CHD9: variants seen among roughly 807,000 people sequenced by gnomAD.
CHD9 encodes the protein ATP-dependent chromatin remodeler CHD9.
CHD9 carries 77 observed loss-of-function variants against 316.1 expected under a neutral mutation model. The observed-to-expected ratio is 0.24, with a 90% CI of 0.20 to 0.29. CHD9 has a LOEUF of 0.29. Among genes scored for constraint, CHD9 ranks in the 10% least tolerant of loss-of-function variants. The pLI, the probability that CHD9 is intolerant of heterozygous loss-of-function variation, is 1.00. For missense variants in CHD9, 2,763 were observed against 3,438.1 expected, an observed-to-expected ratio of 0.80 and a Z score of 4.91; for synonymous variants, 1,129 against 1,158.3, an observed-to-expected ratio of 0.97 and a Z score of 0.51.
At chr16:53,154,916 C>G (rs2041399532) in intron 1 of CHD9, among the ~76,000 whole-genome samples, 1 of 152,156 alleles carries the variant, frequency 6.6e-6, no homozygotes, top group South Asian at 2.1e-4. Flanking sequence ...TTAAAATGAT[C>G]TTGATAGCTT....
chr16:53,241,803 C>A (rs1225036420), intron 12 of CHD9, among the ~76,000 whole-genome samples: 2 of 152,182 alleles, frequency 1.3e-5, no homozygotes, highest in African/African-American at 4.8e-5. Context: ...CTCCATGATC[C>A]TGTCCTTGGC....
intron 2 of CHD9, among the ~76,000 whole-genome samples, chr16:53,179,879 G>A (rs369065666): frequency 2.7e-4 from 40 of 150,648 alleles, no homozygotes; most frequent in Non-Finnish European, 3.5e-4. Context: ...CCTGGGCGAC[G>A]GAGTGAGACT....
chr16:53,157,124 T>C lies in CHD9; in HGVS notation c.1035T>C (p.Pro345=). 1 of 1,610,682 alleles carries C rather than the reference T, an allele frequency of 6.2e-7. No individual in the cohort carries two copies. The change falls in exon 2 of 39, where the codon CCT becomes CCC. Residue 345 remains proline (P), a synonymous_variant. Coordinates refer to ENST00000447540, the MANE Select transcript of CHD9 (RefSeq NM_001308319.2). ...NNFQILHSSH[P]QGNYSNSKLS... is the part of the protein sequence containing the mutation. ...TCCAAATATTGCATTCATCACATCC[T>C]CAGGGTAATTATAGCAATTCAAAAT... is the stretch of plus-strand genomic sequence containing the variant.
At chr16:53,169,876 G>A (rs960043814) in intron 2 of CHD9, among the ~76,000 whole-genome samples, 13 of 152,048 alleles carry the variant, frequency 8.5e-5, no homozygotes, top group South Asian at 4.1e-4. Context: ...CCAATCAAGG[G>A]TCAGGCATTA....
intron 38 of CHD9, among the ~76,000 whole-genome samples, chr16:53,323,798 T>C (rs932441053): frequency 2.0e-5 from 3 of 152,202 alleles, no homozygotes; most frequent in African/African-American, 4.8e-5. Flanking sequence ...GCTAAAGACC[T>C]CTTTACTCAC....
chr16:53,197,249 A>G (rs2045005666), intron 2 of CHD9, among the ~76,000 whole-genome samples: 1 of 152,250 alleles, frequency 6.6e-6, no homozygotes, highest in Non-Finnish European at 1.5e-5. Flanking sequence ...GAAGAATTAA[A>G]TGAGATAACA....
At position 53,153,103 on chromosome 16, in the gene CHD9, C is replaced by T. The variant is rs373632759; in HGVS notation, c.-164-2823C>T. On this transcript the variant is annotated intron_variant, in intron 1 of 38. Transcript: ENST00000447540. Reference sequence around the variant, plus strand: ...GACGTGAAAAACGACCCTTGTATTTCGTTATGTGAAGGTCCGTATGCCCTC... The same window carrying T: ...GACGTGAAAAACGACCCTTGTATTTTGTTATGTGAAGGTCCGTATGCCCTC... Among the ~76,000 whole-genome samples, 9 of 152,098 alleles carry T rather than the reference C, an allele frequency of 5.9e-5. No homozygotes were observed. The East Asian group carries it at 1.3e-3, about 23-fold the overall frequency.
intron 13 of CHD9, among the ~76,000 whole-genome samples, chr16:53,244,081 G>A (rs2152953591): frequency 6.6e-6 from 1 of 151,566 alleles, no homozygotes; most frequent in African/African-American, 2.4e-5. Context: ...TAAAGGTTTT[G>A]TCAAATAAAA....
chr16:53,227,446 T>C lies in CHD9; in HGVS notation c.2094T>C (p.Ser698=). Residue 698 remains serine, a synonymous_variant, in exon 6 of 39, where the codon TCT becomes TCC. Coordinates refer to ENST00000447540, the MANE Select transcript of CHD9 (RefSeq NM_001308319.2). The part of the protein sequence containing the change: ...DAAIVDKILS[S]RTVKKEISPG... ...CAATTGTAGACAAAATTCTATCTTC[T>C]AGAACCGTAAAAAAGGAAGTAAGTA... 1 of 1,567,570 alleles carries C rather than the reference T, an allele frequency of 6.4e-7. No individual in the cohort carries two copies. Among genetic ancestry groups the C allele is most frequent in the Non-Finnish European group, 8.7e-7 (1 of 1,155,178 alleles).
At chr16:53,065,773 A>G (rs1175749472) in intron 1 of CHD9, among the ~76,000 whole-genome samples, 1 of 151,906 alleles carries the variant, frequency 6.6e-6, no homozygotes, top group East Asian at 1.9e-4. Context: ...ACTCTCAAAG[A>G]CTTGCTCTTT....
chr16:53,265,642 CTAATT>C (rs2051590322), intron 20 of CHD9, among the ~76,000 whole-genome samples: 1 of 151,992 alleles, frequency 6.6e-6, no homozygotes, highest in Non-Finnish European at 1.5e-5. Flanking sequence ...CAAGTAAACT[CTAATT>C]TGTGATAAAA....
At chr16:53,063,822 T>G (rs1024281793) in intron 1 of CHD9, among the ~76,000 whole-genome samples, 4 of 149,298 alleles carry the variant, frequency 2.7e-5, no homozygotes, top group African/African-American at 9.9e-5. Flanking sequence ...TAAGCCACCA[T>G]GCCTGGCCTT....
chr16:53,300,397 C>T (rs898546244), intron 30 of CHD9, among the ~76,000 whole-genome samples: 2 of 150,488 alleles, frequency 1.3e-5, no homozygotes, highest in African/African-American at 4.9e-5. Context: ...TGCCATCCTG[C>T]TTCCAACTGA....
chr16:53,197,456 G>T (rs1470294310), intron 2 of CHD9, among the ~76,000 whole-genome samples: 1 of 152,136 alleles, frequency 6.6e-6, no homozygotes, highest in Non-Finnish European at 1.5e-5. Context: ...CAGGTTCCCA[G>T]TGCACCTCAG....
At chr16:53,220,013 G>A (rs141270191) in intron 3 of CHD9, among the ~76,000 whole-genome samples, 39 of 152,276 alleles carry the variant, frequency 2.6e-4, no homozygotes, top group African/African-American at 8.7e-4. Context: ...GAAGAACAAG[G>A]TCATATGGGG....
At chr16:53,178,855 A>G (rs1407571197) in intron 2 of CHD9, among the ~76,000 whole-genome samples, 3 of 152,132 alleles carry the variant, frequency 2.0e-5, no homozygotes, top group African/African-American at 7.2e-5. Flanking sequence ...CTGGACTTTA[A>G]ATTGAAATTG....
At chr16:53,131,269 A>C (rs915865353) in intron 1 of CHD9, 1 of 140,368 alleles carries the variant, frequency 7.1e-6, no homozygotes, top group Admixed American at 7.4e-5. Flanking sequence ...CGCCTCAGTC[A>C]TGGCGAAGCG....
chr16:53,073,013 A>G (rs78735004), intron 1 of CHD9, among the ~76,000 whole-genome samples: 111 of 152,256 alleles, frequency 7.3e-4, no homozygotes, highest in African/African-American at 2.6e-3. Context: ...AACCATTTTC[A>G]TATCTATGGT....
chr16:53,134,625 C>G (rs1356045516), intron 1 of CHD9, among the ~76,000 whole-genome samples: 4 of 152,134 alleles, frequency 2.6e-5, no homozygotes, highest in African/African-American at 4.8e-5. Context: ...TTTGGCATAC[C>G]ATGTACAACT....
Sources: allele counts gnomAD v4.1 joint callset (sites outside exome capture counted in the v4.1 genomes callset), GRCh38; gene constraint gnomAD v4.1.1; transcripts MANE v1.5; gene names NCBI Gene and HGNC (gene_info 2026-07-23, HGNC 2026-07-21).